The following DCDC1 variants were observed in gnomAD, a reference collection of about 807,000 sequenced individuals.
DCDC1 encodes doublecortin domain-containing protein 1.
A neutral mutation model predicts 178.3 loss-of-function variants in DCDC1; 200 were observed. That is an observed-to-expected ratio of 1.12 (90% CI 1.00 to 1.26). DCDC1 has a LOEUF of 1.26. DCDC1 is among the 50% of genes most tolerant of loss of function. The pLI, the probability that DCDC1 is intolerant of heterozygous loss-of-function variation, is 0.00. For missense variants in DCDC1, 1,983 were observed against 1,749.2 expected (o/e 1.13, Z -2.38); for synonymous variants, 690 against 604.8 (o/e 1.14, Z -2.07).
intron 36 of DCDC1, among the ~76,000 whole-genome samples, chr11:30,888,116 AAGAAAGAAAGAAAGAAAG>A (rs1943423813): frequency 2.8e-5 from 4 of 143,220 alleles, no homozygotes; most frequent in African/African-American, 1.1e-4. Context: ...GAAAGAAAGA[AAGAAAGAAAGAAAGAAAG>A]AAAGAAAGAA....
intron 7 of DCDC1, among the ~76,000 whole-genome samples, chr11:31,288,795 G>T (rs190862733): frequency 1.2e-3 from 176 of 151,812 alleles, no homozygotes; most frequent in African/African-American, 3.9e-3. Context: ...AATAGAGCAT[G>T]ATCCTATGAT....
At chr11:31,098,695 C>T (rs1958310835) in intron 15 of DCDC1, among the ~76,000 whole-genome samples, 1 of 152,212 alleles carries the variant, frequency 6.6e-6, no homozygotes, top group African/African-American at 2.4e-5. Context: ...TATCCATCAC[C>T]TCTGCCTGAA....
At chr11:31,292,250 G>A (rs1947287608) in intron 6 of DCDC1, among the ~76,000 whole-genome samples, 1 of 152,058 alleles carries the variant, frequency 6.6e-6, no homozygotes, top group African/African-American at 2.4e-5. Flanking sequence ...TAAGCTATAA[G>A]TTAATGAGTT....
In DCDC1 at chr11:31,127,570, G is replaced by A; in HGVS notation, c.1384C>T (p.Pro462Ser). The change falls in exon 11 of 39, where the codon CCC becomes TCC. Residue 462 changes from proline (P) to serine (S), a missense_variant. Coordinates refer to ENST00000684477, the MANE Select transcript of DCDC1 (RefSeq NM_001387274.1). ...SNIGHLCKLG[P>S]QLQAEQEQFS... Reference sequence around the variant, plus strand: ...TGCTCCTGCTCAGCCTGTAATTGGGGGCCAAGTTTACAGAGATGACCTATG... The same window carrying A: ...TGCTCCTGCTCAGCCTGTAATTGGGAGCCAAGTTTACAGAGATGACCTATG... The A allele has an allele frequency of 1.4e-6, 1 of 702,670 alleles. No homozygotes were observed. Among genetic ancestry groups the A allele is most frequent in the Middle Eastern group, 2.3e-4 (1 of 4,366 alleles). The allele number at this position is 702,670 out of a possible 1,614,324, so 43.5% of individuals were successfully genotyped here.
At chr11:31,285,983 C>T (rs755152126) in intron 7 of DCDC1, among the ~76,000 whole-genome samples, 1 of 152,024 alleles carries the variant, frequency 6.6e-6, no homozygotes. Context: ...CTGTCTCACA[C>T]GTTATTTTTT....
intron 10 of DCDC1, among the ~76,000 whole-genome samples, chr11:31,129,829 T>G (rs1962194586): frequency 6.6e-6 from 1 of 152,076 alleles, no homozygotes; most frequent in Non-Finnish European, 1.5e-5. Context: ...ACCTAGCTGC[T>G]CCTTCAGATT....
chr11:30,968,420 A>C (rs890049603), intron 20 of DCDC1, among the ~76,000 whole-genome samples: 1 of 152,044 alleles, frequency 6.6e-6, no homozygotes, highest in African/African-American at 2.4e-5. Context: ...GCGATCAACC[A>C]CAGTCTGAAA....
intron 20 of DCDC1, among the ~76,000 whole-genome samples, chr11:31,005,952 GAAAAAAAAAA>G (rs35225668): frequency 8.4e-5 from 4 of 47,814 alleles, no homozygotes; most frequent in Non-Finnish European, 1.2e-4. Flanking sequence ...TCTTATTCCT[GAAAAAAAAAA>G]AAAAAAAAAA....
chr11:31,067,133 A>G (rs562440706), intron 18 of DCDC1, among the ~76,000 whole-genome samples: 1 of 152,334 alleles, frequency 6.6e-6, no homozygotes, highest in East Asian at 1.9e-4. Context: ...GTTGCAAACA[A>G]TGCCATGAAG....
chr11:31,057,836 T>C (rs1955683670), intron 20 of DCDC1, among the ~76,000 whole-genome samples: 1 of 152,162 alleles, frequency 6.6e-6, no homozygotes, highest in African/African-American at 2.4e-5. Context: ...TTCAAAGTAG[T>C]ACTTCAAAAG....
chr11:31,275,961 T>C (rs1008681606), intron 7 of DCDC1, among the ~76,000 whole-genome samples: 3 of 152,248 alleles, frequency 2.0e-5, no homozygotes, highest in Non-Finnish European at 2.9e-5. Context: ...TATATAGTTA[T>C]ACCTGGCTGT....
chr11:31,033,122 T>C (rs565361804), intron 20 of DCDC1, among the ~76,000 whole-genome samples: 8 of 152,202 alleles, frequency 5.3e-5, no homozygotes, highest in Admixed American at 2.0e-4. Flanking sequence ...CAATGATTTA[T>C]GCACAAGATT....
At chr11:31,297,470 C>T (rs1219409403) in intron 6 of DCDC1, among the ~76,000 whole-genome samples, 1 of 151,962 alleles carries the variant, frequency 6.6e-6, no homozygotes, top group Non-Finnish European at 1.5e-5. Flanking sequence ...CTCAGCCTCC[C>T]GAGTAACTGG....
intron 36 of DCDC1, among the ~76,000 whole-genome samples, chr11:30,887,876 G>A (rs1473242553): frequency 2.6e-5 from 4 of 151,718 alleles, no homozygotes; most frequent in African/African-American, 9.7e-5. Context: ...AAGCATTGTG[G>A]TGCAAGCCTG....
At chr11:31,170,535 A>G (rs1967076106) in intron 9 of DCDC1, among the ~76,000 whole-genome samples, 1 of 152,220 alleles carries the variant, frequency 6.6e-6, no homozygotes, top group African/African-American at 2.4e-5. Flanking sequence ...GTCAAAACCT[A>G]CATCTTATTT....
At chr11:31,327,929 C>A (rs1054552648) in intron 3 of DCDC1, among the ~76,000 whole-genome samples, 188 bp downstream of exon 3, 1 of 152,002 alleles carries the variant, frequency 6.6e-6, no homozygotes, top group African/African-American at 2.4e-5. Context: ...AGGGTTTCAC[C>A]ATGTTGGCCA....
At chr11:30,972,898 G>C (rs937672686) in intron 20 of DCDC1, among the ~76,000 whole-genome samples, 1 of 151,968 alleles carries the variant, frequency 6.6e-6, no homozygotes, top group African/African-American at 2.4e-5. Flanking sequence ...GAATCATAGG[G>C]GTAGTTTCTC....
intron 9 of DCDC1, among the ~76,000 whole-genome samples, chr11:31,208,090 C>A (rs544551740): frequency 3.3e-5 from 5 of 152,128 alleles, no homozygotes; most frequent in South Asian, 4.1e-4. Flanking sequence ...TATCCTCTCA[C>A]CCTTGGTGAT....
At chr11:31,084,315 T>G (rs1046997798) in intron 17 of DCDC1, among the ~76,000 whole-genome samples, 2 of 152,062 alleles carry the variant, frequency 1.3e-5, no homozygotes, top group African/African-American at 2.4e-5. Flanking sequence ...AAAGAGAAAA[T>G]TTTTATCTCT....
Sources: allele counts gnomAD v4.1 joint callset (sites outside exome capture counted in the v4.1 genomes callset), GRCh38; gene constraint gnomAD v4.1.1; transcripts MANE v1.5; gene names NCBI Gene and HGNC (gene_info 2026-07-23, HGNC 2026-07-21).